IGF2R: variants seen among roughly 807,000 people sequenced by gnomAD.
The protein encoded by IGF2R is insulin like growth factor 2 receptor, also known as cation-independent mannose-6-phosphate receptor.
In IGF2R, 91 loss-of-function variants were observed where a neutral mutation model predicts 270.6. That is an observed-to-expected ratio of 0.34 (90% CI 0.28 to 0.40). IGF2R has a LOEUF of 0.40. IGF2R is among the 10% of genes least tolerant of loss of function. The pLI, the probability that IGF2R is intolerant of heterozygous loss-of-function variation, is 1.00. For synonymous variants in IGF2R, 1,316 were observed against 1,258.9 expected, an observed-to-expected ratio of 1.05 and a Z score of -0.96; for missense variants, 2,805 against 3,188.3, an observed-to-expected ratio of 0.88 and a Z score of 2.90.
At position 160,078,331 on chromosome 6, in the gene IGF2R, A is replaced by G. The variant is rs1778899449; in HGVS notation, c.5447A>G (p.Asn1816Ser). The G allele has an allele frequency of 1.2e-6, 2 of 1,614,152 alleles. No individual in the cohort carries two copies. Among genetic ancestry groups the G allele is most frequent in the East Asian group, 2.2e-5 (1 of 44,886 alleles). ...GATGAGCAGCTCCTCTACAGCTTCA[A>G]CTTGTCCAGCCTTTCCACGAGCACC... is the stretch of plus-strand genomic sequence containing the variant. ...LTDEQLLYSF[N>S]LSSLSTSTFK... The change falls in exon 37 of 48, where the codon AAC becomes AGC. Residue 1816 changes from asparagine (N) to serine (S), a missense_variant. Asn to Ser is a conservative substitution (Grantham distance 46, BLOSUM62 1). This residue lies in a region of IGF2R where 1,851 missense variants were observed against 2,207.2 expected (regional missense o/e 0.84). Coordinates refer to ENST00000356956, the MANE Select transcript of IGF2R (RefSeq NM_000876.4).
chr6:159,997,365 G>C (rs1383208163), intron 2 of IGF2R, among the ~76,000 whole-genome samples: 2 of 152,160 alleles, frequency 1.3e-5, no homozygotes, highest in Non-Finnish European at 2.9e-5. Context: ...GGAGACATCA[G>C]TGCTGAGCTT....
In IGF2R at chr6:160,110,385, G is replaced by A. The variant is rs562835769; in HGVS notation, c.*5301G>A. On this transcript the variant is annotated 3_prime_UTR_variant, in exon 48 of 48. Transcript: ENST00000356956. ...ATGCACATCATAAACACAGTGAGAC[G>A]TTGCCTCACACCTGCCAGAATGGCT... 5 of 152,360 alleles carry A rather than the reference G, an allele frequency of 3.3e-5. No homozygotes were observed. In the South Asian group the frequency reaches 1.0e-3, roughly 32 times the overall value. 9.4% of individuals were successfully genotyped at this position (152,360 alleles called of 1,614,324 possible). A position where few individuals can be genotyped will look rare whatever the true frequency, so the allele number is the denominator to read the frequency against.
At position 160,021,220 on chromosome 6, in the gene IGF2R, A is replaced by G. The variant is rs9457809; in HGVS notation, c.514-3352A>G. Reference sequence around the variant, plus strand: ...TACTCCACATCACTAATCATCAGAGAAATATACAAATTATTATAAAACCAC... The same window carrying G: ...TACTCCACATCACTAATCATCAGAGGAATATACAAATTATTATAAAACCAC... On this transcript the variant is annotated intron_variant, in intron 4 of 47. Transcript: ENST00000356956. Among the ~76,000 whole-genome samples, 1,082 of 152,200 alleles carry G rather than the reference A, an allele frequency of 7.1e-3. 15 individuals are homozygous for G. The highest frequency in any genetic ancestry group is 0.024 in the African/African-American group (984 of 41,492).
At chr6:159,990,011 G>A (rs1048852633) in intron 1 of IGF2R, among the ~76,000 whole-genome samples, 4 of 152,160 alleles carry the variant, frequency 2.6e-5, no homozygotes, top group African/African-American at 4.8e-5. Context: ...GTGTGATTTC[G>A]AATCTGATAG....
chr6:160,057,450 A>G (rs1778340002), intron 20 of IGF2R, among the ~76,000 whole-genome samples: 1 of 152,214 alleles, frequency 6.6e-6, no homozygotes, highest in African/African-American at 2.4e-5. Context: ...CGGCCCCAGC[A>G]CAGGGTCCTG....
At chr6:160,062,017 A>G in intron 25 of IGF2R, 89 bp downstream of exon 25, 1 of 1,300,044 alleles carries the variant, frequency 7.7e-7, no homozygotes, top group Non-Finnish European at 1.1e-6. Flanking sequence ...ATCTTGTTTA[A>G]AACTTGCCTG....
chr6:160,023,246 G>T (rs2115222085), intron 4 of IGF2R, among the ~76,000 whole-genome samples: 1 of 152,228 alleles, frequency 6.6e-6, no homozygotes, highest in African/African-American at 2.4e-5. Flanking sequence ...TCTGAAGGGA[G>T]AGCTGGCAGG....
At chr6:160,088,660 A>G (rs1779147845) in intron 42 of IGF2R, among the ~76,000 whole-genome samples, 1 of 152,232 alleles carries the variant, frequency 6.6e-6, no homozygotes, top group Admixed American at 6.5e-5. Context: ...GAGTTTGGAA[A>G]AGGGGTGACT....
In IGF2R at chr6:160,064,524, C is replaced by G; in HGVS notation, c.4010C>G (p.Thr1337Ser). The G allele has an allele frequency of 6.2e-7, 1 of 1,614,106 alleles. No homozygotes were observed. Among genetic ancestry groups the G allele is most frequent in the Non-Finnish European group, 8.5e-7 (1 of 1,180,004 alleles). ...TAIFFYCDRG[T>S]QRPVFLKETS... The stretch of plus-strand genomic sequence containing the variant: ...ATCTTCTTCTACTGTGACCGCGGCA[C>G]CCAGCGGGTGAGCATGTACCGACGG... The change falls in exon 28 of 48, where the codon ACC (threonine) becomes AGC (serine). Residue 1337 changes from threonine (T) to serine (S), a missense_variant. Thr to Ser is a moderately conservative substitution (Grantham distance 58). Transcript: ENST00000356956.
intron 21 of IGF2R, among the ~76,000 whole-genome samples, chr6:160,058,431 T>C (rs1215325736): frequency 2.0e-5 from 3 of 152,236 alleles, no homozygotes; most frequent in Non-Finnish European, 2.9e-5. Context: ...CCTTACTGTA[T>C]CTTCACACCA....
intron 19 of IGF2R, among the ~76,000 whole-genome samples, chr6:160,052,895 A>G (rs902979965): frequency 4.6e-5 from 7 of 152,348 alleles, no homozygotes; most frequent in Admixed American, 3.3e-4. Context: ...GAAAGCTGAA[A>G]CTGGATCCCT....
intron 31 of IGF2R, among the ~76,000 whole-genome samples, chr6:160,070,419 G>A (rs1778692895): frequency 6.6e-6 from 1 of 152,174 alleles, no homozygotes; most frequent in East Asian, 1.9e-4. Flanking sequence ...GTCACAGGTA[G>A]CGCTGCCACT....
intron 44 of IGF2R, 125 bp downstream of exon 44, chr6:160,090,228 TCTTTA>T (rs1562375480): frequency 1.7e-6 from 1 of 603,342 alleles, no homozygotes; most frequent in Non-Finnish European, 2.7e-6. Context: ...TTGGTCTAAT[TCTTTA>T]CTTTGTTATG....
intron 37 of IGF2R, among the ~76,000 whole-genome samples, chr6:160,079,099 C>A (rs1778919098): frequency 6.6e-6 from 1 of 152,172 alleles, no homozygotes; most frequent in Admixed American, 6.5e-5. Flanking sequence ...TGTGATGGAG[C>A]CCTCTGCCTG....
intron 44 of IGF2R, among the ~76,000 whole-genome samples, chr6:160,091,174 A>C (rs1372039206): frequency 1.9e-5 from 2 of 106,436 alleles, no homozygotes; most frequent in African/African-American, 3.9e-5. Context: ...GAGAAGGAGC[A>C]GGTGCTCCGT....
At chr6:160,059,167 T>A in intron 22 of IGF2R, 69 bp downstream of exon 22, 1 of 1,321,948 alleles carries the variant, frequency 7.6e-7, no homozygotes, top group Non-Finnish European at 1.1e-6. Flanking sequence ...GCCATGCACC[T>A]TCCTGAGTGT....
intron 31 of IGF2R, among the ~76,000 whole-genome samples, chr6:160,071,411 ACT>A (rs1289648617): frequency 6.6e-6 from 1 of 152,144 alleles, no homozygotes; most frequent in Non-Finnish European, 1.5e-5. Context: ...CATCATGCTA[ACT>A]CTGCAGTGGA....
intron 6 of IGF2R, 71 bp downstream of exon 6, chr6:160,027,385 G>A: frequency 6.7e-7 from 1 of 1,496,016 alleles, no homozygotes; most frequent in Non-Finnish European, 9.0e-7. Context: ...GGGAGCTGCA[G>A]GAACATCCTT....
chr6:160,056,650 A>G, intron 20 of IGF2R, 125 bp downstream of exon 20: 2 of 692,336 alleles, frequency 2.9e-6, no homozygotes, highest in Admixed American at 2.1e-5. Flanking sequence ...TGTTGCATTG[A>G]CAATGGGTGT....
Sources: allele counts gnomAD v4.1 joint callset (sites outside exome capture counted in the v4.1 genomes callset), GRCh38; gene constraint gnomAD v4.1.1; regional missense constraint gnomAD v4.1.1; transcripts MANE v1.5; gene names NCBI Gene and HGNC (gene_info 2026-07-23, HGNC 2026-07-21).